The following MALRD1 variants were observed in gnomAD, a reference collection of about 807,000 sequenced individuals.
MALRD1 encodes the protein MAM and LDL receptor class A domain containing 1.
A neutral mutation model predicts 242.1 loss-of-function variants in MALRD1; 247 were observed. The observed-to-expected ratio is 1.02, with a 90% CI of 0.92 to 1.13. The LOEUF is 1.13. Ranked by LOEUF, MALRD1 falls within the 50% of genes most tolerant of loss-of-function variation. MALRD1 has a pLI of 0.00. For synonymous variants in MALRD1, 995 were observed against 866.6 expected (o/e 1.15, Z -2.60); for missense variants, 2,989 against 2,533.1 (o/e 1.18, Z -3.86).
At chr10:19,585,470 C>T (rs1837343335) in intron 33 of MALRD1, among the ~76,000 whole-genome samples, 1 of 151,918 alleles carries the variant, frequency 6.6e-6, no homozygotes, top group South Asian at 2.1e-4. Flanking sequence ...TATTTTATTT[C>T]TCCTTCATTT....
At chr10:19,353,170 C>A (rs1844472176) in intron 26 of MALRD1, among the ~76,000 whole-genome samples, 1 of 151,912 alleles carries the variant, frequency 6.6e-6, no homozygotes, top group South Asian at 2.1e-4. Context: ...CCACACCTGG[C>A]AAGTTTTTGT....
intron 7 of MALRD1, 138 bp downstream of exon 7, chr10:19,124,808 T>C (rs1837194961): frequency 1.5e-6 from 1 of 671,520 alleles, no homozygotes; most frequent in East Asian, 3.5e-5. Flanking sequence ...CCAAAGGAGC[T>C]GAAGGTGAAA....
At chr10:19,446,089 G>T (rs767944361) in intron 28 of MALRD1, among the ~76,000 whole-genome samples, 1 of 152,172 alleles carries the variant, frequency 6.6e-6, no homozygotes, top group Non-Finnish European at 1.5e-5. Context: ...TCCGAGCCAG[G>T]CGTGGGATAT....
chr10:19,202,693 AATC>A (rs1836591871), intron 14 of MALRD1, among the ~76,000 whole-genome samples: 2 of 152,184 alleles, frequency 1.3e-5, no homozygotes, highest in African/African-American at 4.8e-5. Context: ...ATTTCAGTGT[AATC>A]ATCATCAGTG....
At chr10:19,561,423 G>A (rs117510040) in intron 32 of MALRD1, among the ~76,000 whole-genome samples, 3,379 of 152,266 alleles carry the variant, frequency 0.022, 52 homozygotes, top group South Asian at 0.063. Context: ...AGGAATCTTG[G>A]CATCTTTAAC....
chr10:19,344,722 G>T (rs1011043298), intron 24 of MALRD1, among the ~76,000 whole-genome samples: 7 of 126,686 alleles, frequency 5.5e-5, no homozygotes, highest in South Asian at 4.6e-4. Context: ...ATGTCAATTG[G>T]GGGGGGGGAG....
In MALRD1 at chr10:19,387,526, A is replaced by G; in HGVS notation, c.4442-2A>G. 1 of 1,548,796 alleles carries G rather than the reference A, an allele frequency of 6.5e-7. No homozygotes were observed. The highest frequency in any genetic ancestry group is 8.7e-7 in the Non-Finnish European group (1 of 1,146,278). On this transcript the variant is annotated splice_acceptor_variant, in intron 26 of 39. Transcript: ENST00000454679. LOFTEE classifies it high-confidence loss of function. ...TTCTTGTTTTCTTTTGTTTTGTTTTAGGTTTCTGCCCACTTGGCTATAGGG... is the reference window on the plus strand; with the variant it reads ...TTCTTGTTTTCTTTTGTTTTGTTTTGGGTTTCTGCCCACTTGGCTATAGGG...
At chr10:19,339,175 T>G (rs1231028016) in intron 24 of MALRD1, among the ~76,000 whole-genome samples, 2 of 152,040 alleles carry the variant, frequency 1.3e-5, no homozygotes, top group East Asian at 3.9e-4. Context: ...GCCTTCATGG[T>G]GGAGCCCTGG....
intron 19 of MALRD1, among the ~76,000 whole-genome samples, chr10:19,272,657 A>G (rs1840305614): frequency 6.6e-6 from 1 of 152,010 alleles, no homozygotes; most frequent in South Asian, 2.1e-4. Flanking sequence ...TGCATTAGGT[A>G]TTTGTCCTAA....
At chr10:19,274,873 T>C (rs1840432862) in intron 19 of MALRD1, among the ~76,000 whole-genome samples, 1 of 152,146 alleles carries the variant, frequency 6.6e-6, no homozygotes, top group Non-Finnish European at 1.5e-5. Flanking sequence ...TTTCTGGTTT[T>C]TGAGATTAAA....
intron 29 of MALRD1, among the ~76,000 whole-genome samples, chr10:19,475,530 A>G (rs1836691182): frequency 6.6e-6 from 1 of 152,244 alleles, no homozygotes; most frequent in South Asian, 2.1e-4. Flanking sequence ...GTCAATAATA[A>G]TCCTCAGTTC....
intron 18 of MALRD1, among the ~76,000 whole-genome samples, chr10:19,228,974 T>C (rs1277419134): frequency 1.0e-5 from 1 of 98,188 alleles, no homozygotes; most frequent in Admixed American, 1.1e-4. Context: ...GTATGGGGAA[T>C]GCATGTGGTG....
chr10:19,309,879 G>A (rs1047642954), intron 21 of MALRD1, among the ~76,000 whole-genome samples: 12 of 151,562 alleles, frequency 7.9e-5, no homozygotes, highest in Middle Eastern at 3.4e-3. Flanking sequence ...TTACTGCAAA[G>A]ACTACAAAGG....
intron 10 of MALRD1, among the ~76,000 whole-genome samples, chr10:19,140,619 A>G (rs1358866478): frequency 6.6e-6 from 1 of 151,890 alleles, no homozygotes; most frequent in Non-Finnish European, 1.5e-5. Context: ...AGCAATAATG[A>G]AGAAAAAAAC....
At chr10:19,053,778 A>G (rs1213417222) in intron 1 of MALRD1, among the ~76,000 whole-genome samples, 1 of 144,694 alleles carries the variant, frequency 6.9e-6, no homozygotes, top group African/African-American at 2.6e-5. Context: ...TTGTCAGACC[A>G]TTGCCTGACT....
intron 38 of MALRD1, among the ~76,000 whole-genome samples, chr10:19,713,456 A>C (rs1474543603): frequency 1.3e-5 from 2 of 152,254 alleles, no homozygotes; most frequent in African/African-American, 4.8e-5. Context: ...GGCTCTGCCC[A>C]TGGGAAGTTA....
intron 33 of MALRD1, among the ~76,000 whole-genome samples, chr10:19,570,364 A>G (rs1836468388): frequency 6.6e-6 from 1 of 152,202 alleles, no homozygotes; most frequent in Middle Eastern, 3.4e-3. Context: ...GATGTAATTC[A>G]TTGGGTTTAT....
At chr10:19,571,983 TGTC>T (rs554483467) in intron 33 of MALRD1, among the ~76,000 whole-genome samples, 190 of 152,332 alleles carry the variant, frequency 1.2e-3, no homozygotes, top group African/African-American at 4.4e-3. Context: ...GGTGTTTTGT[TGTC>T]GTTTTTACCA....
chr10:19,529,579 A>G (rs1311271399), intron 31 of MALRD1, among the ~76,000 whole-genome samples: 3 of 151,918 alleles, frequency 2.0e-5, no homozygotes, highest in African/African-American at 7.2e-5. Context: ...TAAGGATATT[A>G]GAGTATTGAA....
Sources: gnomAD v4.1 joint callset for allele counts (sites outside exome capture counted in the v4.1 genomes callset) on GRCh38, gnomAD v4.1.1 for gene constraint, MANE v1.5 for transcripts, NCBI Gene and HGNC (gene_info 2026-07-23, HGNC 2026-07-21) for gene names.